Variants in DAPK1 observed in about 807,000 individuals in gnomAD.
The protein encoded by DAPK1 is death-associated protein kinase 1.
A neutral mutation model predicts 144.9 loss-of-function variants in DAPK1; 56 were observed. The ratio of observed to expected loss-of-function variants is 0.39; its 90% confidence interval spans 0.31 to 0.48. The LOEUF (loss-of-function observed/expected upper bound fraction) is 0.48. Among genes scored for constraint, DAPK1 ranks in the 20% least tolerant of loss-of-function variants. DAPK1 has a pLI of 0.95. For synonymous variants in DAPK1, 690 were observed against 749.0 expected (o/e 0.92, Z 1.29); for missense variants, 1,454 against 1,875.4 (o/e 0.78, Z 4.15).
At chr9:87,702,423 T>C (rs1240318767) in intron 24 of DAPK1, among the ~76,000 whole-genome samples, 2 of 152,224 alleles carry the variant, frequency 1.3e-5, no homozygotes, top group Non-Finnish European at 2.9e-5. Context: ...CCTAATTTAC[T>C]GGTAAACACT....
At chr9:87,611,599 C>A (rs985105145) in intron 3 of DAPK1, among the ~76,000 whole-genome samples, 1 of 152,196 alleles carries the variant, frequency 6.6e-6, no homozygotes, top group Non-Finnish European at 1.5e-5. Context: ...GCTGGGATTA[C>A]AGGTGTGTGG....
intron 2 of DAPK1, among the ~76,000 whole-genome samples, chr9:87,531,124 T>A (rs986286297): frequency 5.3e-5 from 8 of 152,180 alleles, no homozygotes; most frequent in South Asian, 4.1e-4. Context: ...TCAAAAATAT[T>A]ATTTAAGGAT....
intron 18 of DAPK1, among the ~76,000 whole-genome samples, chr9:87,660,442 A>T (rs1035704614): frequency 1.3e-5 from 2 of 152,172 alleles, no homozygotes; most frequent in Non-Finnish European, 2.9e-5. Context: ...TTAGCACAAG[A>T]TATGCAAATA....
At chr9:87,664,563 G>A (rs1435383046) in intron 18 of DAPK1, among the ~76,000 whole-genome samples, 1 of 151,076 alleles carries the variant, frequency 6.6e-6, no homozygotes, top group African/African-American at 2.5e-5. Flanking sequence ...TGTGTGATTT[G>A]CCCCTGTGGG....
At chr9:87,590,489 G>A (rs547373004) in intron 2 of DAPK1, among the ~76,000 whole-genome samples, 24 of 151,622 alleles carry the variant, frequency 1.6e-4, no homozygotes, top group African/African-American at 4.4e-4. Flanking sequence ...ACCCTTTTCC[G>A]TCCATCTTTC....
chr9:87,581,738 C>G (rs1827759443), intron 2 of DAPK1, among the ~76,000 whole-genome samples: 1 of 152,342 alleles, frequency 6.6e-6, no homozygotes, highest in South Asian at 2.1e-4. Flanking sequence ...ACTTCCAGGA[C>G]TGGACTGATT....
chr9:87,501,546 A>G (rs12237175), intron 2 of DAPK1, among the ~76,000 whole-genome samples: 1 of 150,720 alleles, frequency 6.6e-6, no homozygotes, highest in Admixed American at 6.6e-5. Context: ...CTCTGTCTCA[A>G]AAAAAAAAGA....
At chr9:87,505,929 C>T (rs187857249) in intron 2 of DAPK1, among the ~76,000 whole-genome samples, 77 of 152,040 alleles carry the variant, frequency 5.1e-4, no homozygotes, top group African/African-American at 1.7e-3. Flanking sequence ...CTCAAGTGAT[C>T]CGCCCGTCTC....
chr9:87,571,492 CACCCCA>C (rs1445210799), intron 2 of DAPK1, among the ~76,000 whole-genome samples: 1,580 of 44,942 alleles, frequency 0.035, 207 homozygotes, highest in African/African-American at 0.11. Context: ...CACACACACA[CACCCCA>C]ACACACACAC....
intron 2 of DAPK1, among the ~76,000 whole-genome samples, chr9:87,596,683 T>C (rs996921013): frequency 6.6e-6 from 1 of 152,202 alleles, no homozygotes; most frequent in African/African-American, 2.4e-5. Flanking sequence ...TGAGGCTGCT[T>C]GTGACCTAGT....
Position 87,683,740 on chromosome 9 carries a change from C to T in DAPK1, c.2224+2114C>T, listed in dbSNP as rs372084758. Reference sequence around the variant, plus strand: ...GGCTCTGGGTGACCCTTTTTCTGCACGCCCCACCATGGGGGGAGCATCTTT... The same window carrying T: ...GGCTCTGGGTGACCCTTTTTCTGCATGCCCCACCATGGGGGGAGCATCTTT... On this transcript the variant is annotated intron_variant, in intron 20 of 25. Coordinates refer to ENST00000408954, the MANE Select transcript of DAPK1 (RefSeq NM_004938.4). Among the ~76,000 whole-genome samples, 33 of 152,278 alleles carry T rather than the reference C, an allele frequency of 2.2e-4. No individual in the cohort carries two copies. In the Middle Eastern group the frequency reaches 0.014, roughly 63 times the overall value.
intron 2 of DAPK1, among the ~76,000 whole-genome samples, chr9:87,585,586 A>AC (rs1371876495): frequency 1.3e-5 from 2 of 152,228 alleles, no homozygotes; most frequent in Non-Finnish European, 2.9e-5. Flanking sequence ...AATAAGGTGA[A>AC]CAGTCATACC....
intron 2 of DAPK1, among the ~76,000 whole-genome samples, chr9:87,551,292 C>T (rs1312359940): frequency 2.6e-5 from 4 of 151,946 alleles, no homozygotes; most frequent in Admixed American, 2.0e-4. Context: ...GGATTACAGG[C>T]GCCCACCACC....
intron 2 of DAPK1, among the ~76,000 whole-genome samples, chr9:87,539,430 C>CTTTTTTT (rs34369093): frequency 7.7e-6 from 1 of 129,258 alleles, no homozygotes; most frequent in Non-Finnish European, 1.6e-5. Flanking sequence ...AAATTTCTCA[C>CTTTTTTT]TTTTTTTTTT....
At chr9:87,698,484 C>T in intron 22 of DAPK1, 172 bp from the exon 23 acceptor site, 1 of 603,170 alleles carries the variant, frequency 1.7e-6, no homozygotes. Context: ...ATGCTGGGGC[C>T]TTCTAGGGTC....
At chr9:87,558,238 G>A (rs1362968472) in intron 2 of DAPK1, among the ~76,000 whole-genome samples, 1 of 152,112 alleles carries the variant, frequency 6.6e-6, no homozygotes, top group Non-Finnish European at 1.5e-5. Flanking sequence ...TTACTGCACA[G>A]TGGGTATGCA....
intron 10 of DAPK1, among the ~76,000 whole-genome samples, chr9:87,642,332 A>T (rs959703819): frequency 6.6e-6 from 1 of 152,248 alleles, no homozygotes; most frequent in Admixed American, 6.5e-5. Flanking sequence ...CTGTAAAATT[A>T]TAGTGAAATT....
chr9:87,537,171 A>G (rs1484284363), intron 2 of DAPK1, among the ~76,000 whole-genome samples: 1 of 152,104 alleles, frequency 6.6e-6, no homozygotes, highest in East Asian at 1.9e-4. Context: ...TATTTTTAGT[A>G]GAGCCAGGGT....
chr9:87,587,518 G>A, intron 2 of DAPK1, among the ~76,000 whole-genome samples: 1 of 152,106 alleles, frequency 6.6e-6, no homozygotes, highest in East Asian at 1.9e-4. Context: ...AAGAGATGGA[G>A]CAATAACTTA....
Sources: gnomAD v4.1 joint callset for allele counts (sites outside exome capture counted in the v4.1 genomes callset) on GRCh38, gnomAD v4.1.1 for gene constraint, MANE v1.5 for transcripts, NCBI Gene and HGNC (gene_info 2026-07-23, HGNC 2026-07-21) for gene names.